The following DIS3L2 variants were observed in gnomAD, a reference collection of about 807,000 sequenced individuals.
The protein encoded by DIS3L2 is DIS3-like exonuclease 2.
DIS3L2 carries 34 observed loss-of-function variants against 97.5 expected under a neutral mutation model. That is an observed-to-expected ratio of 0.35 (90% CI 0.27 to 0.46). DIS3L2 has a LOEUF of 0.46. DIS3L2 is among the 20% of genes least tolerant of loss of function. The probability of loss-of-function intolerance (pLI) is 1.00; values close to 1 mark genes in which losing one functional copy is unlikely to be tolerated. For synonymous variants in DIS3L2, 435 were observed against 445.2 expected (o/e 0.98, Z 0.29); for missense variants, 1,038 against 1,146.0 (o/e 0.91, Z 1.36).
chr2:232,221,609 G>T (rs1033065568), intron 10 of DIS3L2, among the ~76,000 whole-genome samples: 17 of 152,110 alleles, frequency 1.1e-4, no homozygotes, highest in Non-Finnish European at 2.1e-4. Flanking sequence ...TTAGAGACCA[G>T]CCTGGCCAAC....
In DIS3L2 at chr2:231,969,970, G is replaced by A. The variant is rs116016812; in HGVS notation, c.-94+8205G>A. ...CATATGATTTTTTTTTTTCGAGACAGGGTCTTGCTCTGTTTTCCAGGCTGG... is the reference window on the plus strand; with the variant it reads ...CATATGATTTTTTTTTTTCGAGACAAGGTCTTGCTCTGTTTTCCAGGCTGG... On this transcript the variant is annotated intron_variant, in intron 1 of 20. Coordinates refer to ENST00000325385, the MANE Select transcript of DIS3L2 (RefSeq NM_152383.5). Among the ~76,000 whole-genome samples, 674 of 151,080 alleles carry A rather than the reference G, an allele frequency of 4.5e-3. 2 individuals carry two copies. The highest frequency in any genetic ancestry group is 8.1e-3 in the Non-Finnish European group (552 of 67,800).
chr2:232,270,478 A>G (rs1239830606), intron 13 of DIS3L2, among the ~76,000 whole-genome samples: 1 of 152,228 alleles, frequency 6.6e-6, no homozygotes, highest in Admixed American at 6.5e-5. Context: ...CTAAAACATT[A>G]TAATACCTAC....
chr2:232,083,208 C>T (rs1250078767), intron 5 of DIS3L2, among the ~76,000 whole-genome samples: 2 of 151,504 alleles, frequency 1.3e-5, no homozygotes, highest in African/African-American at 2.4e-5. Flanking sequence ...TCTTAAACTT[C>T]GTATGCATGA....
At chr2:232,016,917 C>CCTCT (rs1184521501) in intron 3 of DIS3L2, among the ~76,000 whole-genome samples, 1 of 142,140 alleles carries the variant, frequency 7.0e-6, no homozygotes, top group Non-Finnish European at 1.6e-5. Flanking sequence ...TCCCTCCCTC[C>CCTCT]CTCTCTCCCT....
intron 14 of DIS3L2, among the ~76,000 whole-genome samples, chr2:232,326,308 C>T (rs1217091180): frequency 2.6e-5 from 4 of 152,070 alleles, no homozygotes; most frequent in Admixed American, 6.5e-5. Context: ...CACCCTGCAC[C>T]GTCCAGCTCA....
intron 9 of DIS3L2, among the ~76,000 whole-genome samples, chr2:232,207,353 A>G (rs1692055086): frequency 6.6e-6 from 1 of 152,088 alleles, no homozygotes; most frequent in South Asian, 2.1e-4. Context: ...GCCAGGTCTG[A>G]TTTCACCTCC....
intron 10 of DIS3L2, among the ~76,000 whole-genome samples, chr2:232,227,590 A>G (rs974468532): frequency 6.6e-6 from 1 of 152,224 alleles, no homozygotes; most frequent in African/African-American, 2.4e-5. Context: ...GGAGTCAGAA[A>G]TGGTTTCCCT....
chr2:231,964,650 A>C (rs908471937), intron 1 of DIS3L2, among the ~76,000 whole-genome samples: 3 of 152,246 alleles, frequency 2.0e-5, no homozygotes, highest in African/African-American at 7.2e-5. Context: ...ATTTGGGAAT[A>C]AAATGTGGGA....
At chr2:232,155,271 C>G (rs1690459136) in intron 8 of DIS3L2, among the ~76,000 whole-genome samples, 1 of 152,188 alleles carries the variant, frequency 6.6e-6, no homozygotes, top group Admixed American at 6.5e-5. Context: ...TATGACAGGA[C>G]TGTTTTAACA....
chr2:232,038,598 C>G (rs896098073), intron 5 of DIS3L2, among the ~76,000 whole-genome samples: 1 of 152,200 alleles, frequency 6.6e-6, no homozygotes, highest in Non-Finnish European at 1.5e-5. Flanking sequence ...ATAAGTAAGT[C>G]TGTTGCATTG....
chr2:232,222,773 T>C (rs2343240), intron 10 of DIS3L2, among the ~76,000 whole-genome samples: 6,534 of 152,316 alleles, frequency 0.043, 716 homozygotes, highest in East Asian at 0.42. Context: ...AGCTGGTGAG[T>C]GAACAATTTT....
At chr2:232,339,856 G>A, downstream of DIS3L2, 2 of 384,080 alleles carry the variant, frequency 5.2e-6, no homozygotes, top group Non-Finnish European at 1.1e-5. Flanking sequence ...AGCCAGAATG[G>A]ACCAGGAGGT....
chr2:231,985,053 C>T (rs1164055989), intron 1 of DIS3L2, among the ~76,000 whole-genome samples: 1 of 152,232 alleles, frequency 6.6e-6, no homozygotes, highest in Non-Finnish European at 1.5e-5. Flanking sequence ...CAGGTAACTG[C>T]ACATACCTTA....
intron 1 of DIS3L2, among the ~76,000 whole-genome samples, chr2:231,985,285 T>C (rs922718398): frequency 3.3e-5 from 5 of 152,252 alleles, no homozygotes; most frequent in East Asian, 1.9e-4. Flanking sequence ...CACTAAACTC[T>C]ATAATTTTGT....
At chr2:232,090,728 C>T (rs1472276740) in intron 6 of DIS3L2, among the ~76,000 whole-genome samples, 1 of 152,158 alleles carries the variant, frequency 6.6e-6, no homozygotes. Context: ...GATTATTAAT[C>T]CTGGTTCATG....
chr2:232,001,274 G>A (rs1693893858), intron 1 of DIS3L2, among the ~76,000 whole-genome samples: 2 of 152,236 alleles, frequency 1.3e-5, no homozygotes, highest in South Asian at 2.1e-4. Flanking sequence ...ATATCTCACT[G>A]TGGTTTTAAT....
intron 6 of DIS3L2, among the ~76,000 whole-genome samples, chr2:232,094,883 G>A (rs1696958712): frequency 6.6e-6 from 1 of 151,982 alleles, no homozygotes; most frequent in East Asian, 1.9e-4. Context: ...TTGCTGAATT[G>A]ACCCCTTTAT....
intron 4 of DIS3L2, among the ~76,000 whole-genome samples, chr2:232,026,918 T>G (rs974381317): frequency 6.6e-6 from 1 of 152,208 alleles, no homozygotes; most frequent in African/African-American, 2.4e-5. Flanking sequence ...GCCTCTTTTA[T>G]TCTTTTATTT....
chr2:232,060,504 C>G (rs907635755), intron 5 of DIS3L2, among the ~76,000 whole-genome samples: 2 of 151,984 alleles, frequency 1.3e-5, no homozygotes, highest in African/African-American at 2.4e-5. Flanking sequence ...GTTCTCTATT[C>G]TGTTCTCTAT....
Sources: gnomAD v4.1 joint callset for allele counts (sites outside exome capture counted in the v4.1 genomes callset) on GRCh38, gnomAD v4.1.1 for gene constraint, MANE v1.5 for transcripts, NCBI Gene and HGNC (gene_info 2026-07-23, HGNC 2026-07-21) for gene names.